Variants in SYT1 observed in about 807,000 individuals in gnomAD.
SYT1 encodes the protein synaptotagmin 1.
In SYT1, 8 loss-of-function variants were observed where a neutral mutation model predicts 44.8. The ratio of observed to expected loss-of-function variants is 0.18; its 90% confidence interval spans 0.10 to 0.32. SYT1 has a LOEUF of 0.32. Among genes scored for constraint, SYT1 ranks in the 10% least tolerant of loss-of-function variants. SYT1 has a pLI of 1.00. For synonymous variants in SYT1, 154 were observed against 188.8 expected, an observed-to-expected ratio of 0.82 and a Z score of 1.51; for missense variants, 286 against 509.3, an observed-to-expected ratio of 0.56 and a Z score of 4.22.
chr12:78,887,781 G>A (rs1181534760), intron 1 of SYT1, among the ~76,000 whole-genome samples: 1 of 151,900 alleles, frequency 6.6e-6, no homozygotes, highest in Admixed American at 6.6e-5. Context: ...TGAAGTAGGT[G>A]ATGACATACT....
intron 9 of SYT1, among the ~76,000 whole-genome samples, chr12:79,424,320 A>T (rs1408510931): frequency 1.3e-5 from 2 of 152,118 alleles, no homozygotes; most frequent in Non-Finnish European, 2.9e-5. Context: ...TTTCAAATGA[A>T]TCATGCTCTT....
At chr12:79,076,900 A>G (rs1876695334) in intron 3 of SYT1, among the ~76,000 whole-genome samples, 1 of 152,158 alleles carries the variant, frequency 6.6e-6, no homozygotes, top group Non-Finnish European at 1.5e-5. Flanking sequence ...GCAGACTTCC[A>G]TGCCTAGATT....
At chr12:79,080,600 G>A (rs1401767437) in intron 3 of SYT1, among the ~76,000 whole-genome samples, 4 of 152,068 alleles carry the variant, frequency 2.6e-5, no homozygotes, top group Non-Finnish European at 5.9e-5. Context: ...AAAAGATGGT[G>A]GGGTTGAATA....
At chr12:79,371,149 T>C (rs146163207) in intron 9 of SYT1, among the ~76,000 whole-genome samples, 2 of 152,302 alleles carry the variant, frequency 1.3e-5, no homozygotes, top group East Asian at 1.9e-4. Flanking sequence ...TCCCCATATA[T>C]GAATGAGAAA....
intron 2 of SYT1, among the ~76,000 whole-genome samples, chr12:79,016,711 C>CA (rs1871830079): frequency 6.6e-6 from 1 of 152,058 alleles, no homozygotes; most frequent in Non-Finnish European, 1.5e-5. Context: ...CTAATGATGT[C>CA]ATGGAGGAGG....
intron 3 of SYT1, among the ~76,000 whole-genome samples, chr12:79,070,978 G>C (rs1348512880): frequency 2.6e-5 from 4 of 152,104 alleles, no homozygotes; most frequent in Admixed American, 1.3e-4. Flanking sequence ...AGTCTACGCT[G>C]TGTGTACATA....
intron 2 of SYT1, among the ~76,000 whole-genome samples, chr12:79,019,698 A>G (rs150133904): frequency 1.2e-3 from 179 of 152,014 alleles, no homozygotes; most frequent in African/African-American, 4.1e-3. Context: ...GCATTTATTT[A>G]TTTATTTATT....
intron 5 of SYT1, among the ~76,000 whole-genome samples, chr12:79,287,523 T>C (rs952145525): frequency 6.6e-6 from 1 of 152,156 alleles, no homozygotes. Flanking sequence ...AATATGTATG[T>C]TAATTTTATC....
At chr12:79,427,638 G>A (rs1214508052) in intron 9 of SYT1, among the ~76,000 whole-genome samples, 1 of 152,184 alleles carries the variant, frequency 6.6e-6, no homozygotes, top group Non-Finnish European at 1.5e-5. Flanking sequence ...TTAGAATGAG[G>A]AGTCAAAGGA....
intron 3 of SYT1, among the ~76,000 whole-genome samples, chr12:79,066,253 C>T (rs1002281837): frequency 1.3e-5 from 2 of 152,088 alleles, no homozygotes; most frequent in African/African-American, 2.4e-5. Context: ...AGGGTAAACA[C>T]CACATAGGAT....
chr12:79,137,167 C>G (rs1869249188), intron 3 of SYT1, among the ~76,000 whole-genome samples: 1 of 151,966 alleles, frequency 6.6e-6, no homozygotes, highest in Non-Finnish European at 1.5e-5. Flanking sequence ...GCAATCTCGG[C>G]TCACTGCAAC....
chr12:79,179,728 T>G (rs1331690678), intron 3 of SYT1, among the ~76,000 whole-genome samples: 2 of 151,756 alleles, frequency 1.3e-5, no homozygotes, highest in African/African-American at 2.4e-5. Context: ...CTGAAAACAG[T>G]AGTTTCTAAC....
intron 3 of SYT1, among the ~76,000 whole-genome samples, chr12:79,176,853 T>C (rs897559342): frequency 6.6e-6 from 1 of 151,992 alleles, no homozygotes; most frequent in African/African-American, 2.4e-5. Flanking sequence ...TAGTTTACAA[T>C]ACTACTACAT....
At chr12:79,204,121 A>G (rs545413555) in intron 3 of SYT1, among the ~76,000 whole-genome samples, 2 of 152,354 alleles carry the variant, frequency 1.3e-5, no homozygotes, top group East Asian at 1.9e-4. Flanking sequence ...ATAGAGAGAC[A>G]CTGTAATAAT....
intron 8 of SYT1, among the ~76,000 whole-genome samples, chr12:79,311,935 G>A (rs1321615325): frequency 4.0e-5 from 6 of 148,894 alleles, no homozygotes; most frequent in Admixed American, 4.0e-4. Flanking sequence ...GAGTTAATGG[G>A]TGCAGCACAC....
chr12:79,185,522 G>C (rs541228142), intron 3 of SYT1, among the ~76,000 whole-genome samples: 1 of 151,938 alleles, frequency 6.6e-6, no homozygotes, highest in Non-Finnish European at 1.5e-5. Context: ...AGTTTGCACT[G>C]CAGAAGGAAT....
chr12:79,078,799 C>T (rs529965074), intron 3 of SYT1, among the ~76,000 whole-genome samples: 1 of 152,132 alleles, frequency 6.6e-6, no homozygotes, highest in Non-Finnish European at 1.5e-5. Flanking sequence ...TATACACACA[C>T]ACAGAAAGAA....
intron 3 of SYT1, among the ~76,000 whole-genome samples, chr12:79,190,741 T>C (rs935047615): frequency 2.6e-5 from 4 of 152,154 alleles, no homozygotes; most frequent in Non-Finnish European, 4.4e-5. Context: ...TTGATGGAGT[T>C]AAAAAGCTTT....
At chr12:79,272,621 C>T (rs1294193435) in intron 4 of SYT1, among the ~76,000 whole-genome samples, 2 of 152,158 alleles carry the variant, frequency 1.3e-5, no homozygotes, top group East Asian at 1.9e-4. Context: ...TTTGGGAATA[C>T]ACTCCTGGAG....
Sources: allele counts gnomAD v4.1 joint callset (sites outside exome capture counted in the v4.1 genomes callset), GRCh38; gene constraint gnomAD v4.1.1; transcripts MANE v1.5; gene names NCBI Gene and HGNC (gene_info 2026-07-23, HGNC 2026-07-21).